Variants in SNTG1 observed in about 807,000 individuals in gnomAD.
The protein encoded by SNTG1 is gamma-1-syntrophin.
A neutral mutation model predicts 74.7 loss-of-function variants in SNTG1; 39 were observed. That is an observed-to-expected ratio of 0.52 (90% CI 0.40 to 0.68). The LOEUF is 0.68. Among genes scored for constraint, SNTG1 ranks in the 30% least tolerant of loss-of-function variants. The probability of loss-of-function intolerance (pLI) is 0.00; values close to 1 mark genes in which losing one functional copy is unlikely to be tolerated. For synonymous variants in SNTG1, 254 were observed against 217.1 expected (o/e 1.17, Z -1.49); for missense variants, 685 against 609.5 (o/e 1.12, Z -1.30).
At chr8:50,093,652 T>C (rs2079824950) in intron 1 of SNTG1, among the ~76,000 whole-genome samples, 1 of 152,186 alleles carries the variant, frequency 6.6e-6, no homozygotes, top group East Asian at 1.9e-4. Flanking sequence ...ATATGGTCCC[T>C]TGTAAGACCT....
Position 50,545,058 on chromosome 8 carries a change from G to A in SNTG1, c.681-7992G>A, listed in dbSNP as rs115435904. ...TATTTTGACTATTATGTATAGTGCT[G>A]CCCATGATTACAAATAAAGAAAATT... is the stretch of plus-strand genomic sequence containing the variant. On this transcript the variant is annotated intron_variant, in intron 11 of 18. Coordinates refer to ENST00000642720, the MANE Select transcript of SNTG1 (RefSeq NM_018967.5). Among the ~76,000 whole-genome samples the A allele has an allele frequency of 1.7e-3, 260 of 151,984 alleles. 1 individual carries two copies. The highest frequency in any genetic ancestry group is 6.1e-3 in the African/African-American group (251 of 41,478).
chr8:50,446,283 C>G (rs1397078332), intron 5 of SNTG1, among the ~76,000 whole-genome samples: 1 of 151,702 alleles, frequency 6.6e-6, no homozygotes, highest in Non-Finnish European at 1.5e-5. Flanking sequence ...CCAATTTTAT[C>G]TTCTGAGTTT....
Position 50,126,555 on chromosome 8 carries a change from A to T in SNTG1, c.-102-46006A>T, listed in dbSNP as rs908280206. Among the ~76,000 whole-genome samples, 3 of 152,058 alleles carry T rather than the reference A, an allele frequency of 2.0e-5. No individual in the cohort carries two copies. The East Asian group carries it at 5.8e-4, about 29-fold the overall frequency. On this transcript the variant is annotated intron_variant, in intron 1 of 18. Coordinates refer to ENST00000642720, the MANE Select transcript of SNTG1 (RefSeq NM_018967.5). The stretch of plus-strand genomic sequence containing the variant: ...AAGATAGAGATTTACAATCACCAAC[A>T]TTGGGACATGTGTTTTATATATAAA...
At chr8:50,696,186 G>C (rs1386240628) in intron 15 of SNTG1, among the ~76,000 whole-genome samples, 2 of 152,008 alleles carry the variant, frequency 1.3e-5, no homozygotes, top group South Asian at 2.1e-4. Flanking sequence ...GTATCTCACT[G>C]TGGCTTAAAT....
chr8:50,111,578 T>C (rs759299379), intron 1 of SNTG1, among the ~76,000 whole-genome samples: 3 of 152,168 alleles, frequency 2.0e-5, no homozygotes, highest in Non-Finnish European at 4.4e-5. Context: ...AATAAGTTTC[T>C]GTTGTTTAAG....
At chr8:49,996,304 G>A (rs1310773060) in intron 1 of SNTG1, among the ~76,000 whole-genome samples, 2 of 151,766 alleles carry the variant, frequency 1.3e-5, no homozygotes, top group Non-Finnish European at 2.9e-5. Flanking sequence ...TGGAAATAAG[G>A]ATTGTACCAC....
chr8:50,144,288 C>T (rs2081778246), intron 1 of SNTG1, among the ~76,000 whole-genome samples: 1 of 152,126 alleles, frequency 6.6e-6, no homozygotes, highest in African/African-American at 2.4e-5. Context: ...ATGGAGAAAT[C>T]AATCAGGAAG....
In SNTG1 at chr8:50,459,581, A is replaced by T. The variant is rs963307283; in HGVS notation, c.363+8852A>T. 2.0e-5 allele frequency among the ~76,000 whole-genome samples: 3 copies of T among 151,942 alleles called. No individual in the cohort carries two copies. In the East Asian group the frequency reaches 5.8e-4, roughly 29 times the overall value. On this transcript the variant is annotated intron_variant, in intron 8 of 18. Coordinates refer to ENST00000642720, the MANE Select transcript of SNTG1 (RefSeq NM_018967.5). The stretch of plus-strand genomic sequence containing the variant: ...ACATGTGCAGGTTTTTTACCTGGGT[A>T]TACTGCATGTTGCTGAGGTTTTGGG...
intron 15 of SNTG1, among the ~76,000 whole-genome samples, chr8:50,684,041 T>A (rs774001276): frequency 3.9e-5 from 6 of 152,216 alleles, no homozygotes; most frequent in African/African-American, 7.2e-5. Flanking sequence ...TTATTAAAGA[T>A]TAAGAACTGT....
chr8:50,701,790 C>CCTA (rs2095426739), intron 15 of SNTG1, among the ~76,000 whole-genome samples: 7 of 146,586 alleles, frequency 4.8e-5, no homozygotes, highest in African/African-American at 1.8e-4. Context: ...TCCTCTTCCT[C>CCTA]CTCCTCCTCC....
chr8:50,075,578 A>G (rs1480206984), intron 1 of SNTG1, among the ~76,000 whole-genome samples: 1 of 152,188 alleles, frequency 6.6e-6, no homozygotes, highest in Non-Finnish European at 1.5e-5. Flanking sequence ...CAGATAAGGG[A>G]ATAAAAGCAG....
intron 1 of SNTG1, among the ~76,000 whole-genome samples, chr8:49,938,603 T>TTTTCTTTTCTTTTCTTTC: frequency 6.0e-4 from 45 of 74,720 alleles, no homozygotes; most frequent in Non-Finnish European, 7.9e-4. Context: ...TTTTCTTTTC[T>TTTTCTTTTCTTTTCTTTC]TTTCTTTCTT....
intron 11 of SNTG1, among the ~76,000 whole-genome samples, chr8:50,551,076 A>G (rs2094423063): frequency 6.6e-6 from 1 of 152,088 alleles, no homozygotes; most frequent in African/African-American, 2.4e-5. Context: ...TTAAATCTGT[A>G]TGGTAAATTG....
At chr8:50,253,717 A>T (rs1301669461) in intron 2 of SNTG1, among the ~76,000 whole-genome samples, 2 of 152,200 alleles carry the variant, frequency 1.3e-5, no homozygotes, top group Admixed American at 1.3e-4. Context: ...GTATATATGG[A>T]ATGGAATACT....
Position 50,502,786 on chromosome 8 carries a change from T to C in SNTG1, c.372T>C (p.Val124=), listed in dbSNP as rs1472713470. ...TTTATTCTTTTTTTCAGGTTCAGGTTCTTCGGAATGCTGGAGAAGAAGTGA... is the reference window on the plus strand; with the variant it reads ...TTTATTCTTTTTTTCAGGTTCAGGTCCTTCGGAATGCTGGAGAAGAAGTGA... The part of the protein sequence containing the change: ...RKCRHEEVVQ[V]LRNAGEEVTL... The change falls in exon 9 of 19, where the codon GTT becomes GTC. Residue 124 remains valine (V), a synonymous_variant. Coordinates refer to ENST00000642720, the MANE Select transcript of SNTG1 (RefSeq NM_018967.5). 1.1e-5 allele frequency: 17 copies of C among 1,612,754 alleles called. No individual in the cohort carries two copies. The highest frequency in any genetic ancestry group is 1.4e-5 in the Non-Finnish European group (16 of 1,179,164).
chr8:50,670,387 A>G (rs891313151), intron 15 of SNTG1, among the ~76,000 whole-genome samples: 1 of 151,836 alleles, frequency 6.6e-6, no homozygotes, highest in Admixed American at 6.6e-5. Context: ...AAGCATTCTT[A>G]TACACCAATA....
chr8:50,296,114 A>G (rs2089357827), intron 2 of SNTG1, among the ~76,000 whole-genome samples: 1 of 152,124 alleles, frequency 6.6e-6, no homozygotes, highest in African/African-American at 2.4e-5. Context: ...GGAGAACACC[A>G]TGTTCTGCAT....
intron 2 of SNTG1, among the ~76,000 whole-genome samples, chr8:50,293,365 A>T (rs563401188): frequency 1.5e-4 from 22 of 149,342 alleles, no homozygotes; most frequent in African/African-American, 5.2e-4. Context: ...CTTATATAGA[A>T]CCAGTCATAT....
At chr8:50,597,427 A>G (rs958606714) in intron 13 of SNTG1, among the ~76,000 whole-genome samples, 4 of 146,334 alleles carry the variant, frequency 2.7e-5, no homozygotes, top group African/African-American at 5.2e-5. Context: ...ATATACATAT[A>G]TATATGCCAC....
Sources: allele counts gnomAD v4.1 joint callset (sites outside exome capture counted in the v4.1 genomes callset), GRCh38; gene constraint gnomAD v4.1.1; transcripts MANE v1.5; gene names NCBI Gene and HGNC (gene_info 2026-07-23, HGNC 2026-07-21).